Variants in HS3ST3A1 observed in about 807,000 individuals in gnomAD.
HS3ST3A1 encodes heparan sulfate-glucosamine 3-sulfotransferase 3A1, also known as heparan sulfate glucosamine 3-O-sulfotransferase 3A1.
A neutral mutation model predicts 25.7 loss-of-function variants in HS3ST3A1; 19 were observed. The ratio of observed to expected loss-of-function variants is 0.74; its 90% CI spans 0.52 to 1.08. The LOEUF (loss-of-function observed/expected upper bound fraction) is 1.08, where lower values mean the gene tolerates loss of function less well. Ranked by LOEUF, HS3ST3A1 falls within the 50% of genes least tolerant of loss-of-function variation. The pLI, the probability that HS3ST3A1 is intolerant of heterozygous loss-of-function variation, is 0.00. For missense variants in HS3ST3A1, 459 were observed against 594.3 expected, an observed-to-expected ratio of 0.77 and a Z score of 2.37; for synonymous variants, 226 against 278.6, an observed-to-expected ratio of 0.81 and a Z score of 1.88.
chr17:13,526,474 T>TATA (rs1906425775), intron 1 of HS3ST3A1, among the ~76,000 whole-genome samples: 2,711 of 76,172 alleles, frequency 0.036, 262 homozygotes, highest in Middle Eastern at 0.078. Context: ...ACTTTAATTT[T>TATA]TATATATATA....
chr17:13,512,430 T>C (rs902678862), intron 1 of HS3ST3A1, among the ~76,000 whole-genome samples: 1 of 149,336 alleles, frequency 6.7e-6, no homozygotes, highest in Non-Finnish European at 1.5e-5. Flanking sequence ...GGAATAGGAG[T>C]GAGTGCTTAA....
chr17:13,597,586 C>G (rs1187946913), intron 1 of HS3ST3A1, among the ~76,000 whole-genome samples: 1 of 151,870 alleles, frequency 6.6e-6, no homozygotes, highest in Non-Finnish European at 1.5e-5. Context: ...TTTTTAAACT[C>G]CACCAGGGTC....
intron 1 of HS3ST3A1, among the ~76,000 whole-genome samples, chr17:13,591,045 T>C (rs150716731): frequency 2.6e-4 from 38 of 145,668 alleles, no homozygotes; most frequent in African/African-American, 1.0e-3. Flanking sequence ...TTCTTTTTCT[T>C]TTCTTTTTTT....
intron 1 of HS3ST3A1, among the ~76,000 whole-genome samples, chr17:13,507,782 C>T (rs934184443): frequency 3.3e-5 from 5 of 152,150 alleles, no homozygotes; most frequent in Non-Finnish European, 7.4e-5. Context: ...GGCAGCAGAA[C>T]ATGCTAGAAA....
At chr17:13,509,655 AAAGAG>A (rs1905800176) in intron 1 of HS3ST3A1, among the ~76,000 whole-genome samples, 1 of 152,146 alleles carries the variant, frequency 6.6e-6, no homozygotes, top group Non-Finnish European at 1.5e-5. Flanking sequence ...TAGAAGAAAA[AAAGAG>A]AAGAATCTAG....
intron 1 of HS3ST3A1, chr17:13,543,750 G>A (rs1907004260): frequency 1.3e-5 from 2 of 153,732 alleles, no homozygotes; most frequent in African/African-American, 4.8e-5. Context: ...AACTGTTAAA[G>A]CTTTTCAAAA....
intron 1 of HS3ST3A1, among the ~76,000 whole-genome samples, chr17:13,542,318 G>A (rs1474974994): frequency 2.5e-5 from 3 of 117,814 alleles, no homozygotes; most frequent in African/African-American, 6.9e-5. Flanking sequence ...AACAGAGCGA[G>A]ACTCTGTTTC....
In HS3ST3A1 at chr17:13,593,233, C is replaced by CAAAAAAAAAAA. The variant is rs5819419; in HGVS notation, c.599+7287_599+7297dup. ...CACCTGTTCCTTCTATGTTTGTAGC[C>CAAAAAAAAAAA]AAAAAAAAAAAAAAAAAAAAGTCAT... On this transcript the variant is annotated intron_variant, in intron 1 of 1. Transcript: ENST00000284110. 8.4e-3 allele frequency among the ~76,000 whole-genome samples: 870 copies of CAAAAAAAAAAA among 103,016 alleles called. 24 individuals are homozygous for CAAAAAAAAAAA. The highest frequency in any genetic ancestry group is 0.025 in the African/African-American group (691 of 28,032). The allele number at this position is 103,016 out of a possible 152,430, so 67.6% of individuals were successfully genotyped here.
chr17:13,571,615 G>A (rs1239631512), intron 1 of HS3ST3A1, among the ~76,000 whole-genome samples: 1 of 152,220 alleles, frequency 6.6e-6, no homozygotes, highest in South Asian at 2.1e-4. Flanking sequence ...ATTAGTGCTG[G>A]AGAGAGGATA....
At chr17:13,510,444 A>G (rs551953006) in intron 1 of HS3ST3A1, among the ~76,000 whole-genome samples, 1 of 152,318 alleles carries the variant, frequency 6.6e-6, no homozygotes, top group South Asian at 2.1e-4. Flanking sequence ...AAAATTTTAG[A>G]AAGGTTCTTC....
At chr17:13,549,196 G>A (rs1484981214) in intron 1 of HS3ST3A1, among the ~76,000 whole-genome samples, 1 of 152,106 alleles carries the variant, frequency 6.6e-6, no homozygotes, top group Non-Finnish European at 1.5e-5. Context: ...CGGACACGCT[G>A]GCTTTAAGAG....
At chr17:13,516,237 G>C (rs972189079) in intron 1 of HS3ST3A1, among the ~76,000 whole-genome samples, 8 of 152,140 alleles carry the variant, frequency 5.3e-5, no homozygotes, top group African/African-American at 1.9e-4. Flanking sequence ...TTGAACCCAG[G>C]AGGCAGAGGT....
chr17:13,511,584 T>G (rs1481086374), intron 1 of HS3ST3A1, among the ~76,000 whole-genome samples: 1 of 151,676 alleles, frequency 6.6e-6, no homozygotes, highest in Non-Finnish European at 1.5e-5. Context: ...AATCACAACA[T>G]TCGCACGTGG....
At chr17:13,510,328 T>C (rs1423999562) in intron 1 of HS3ST3A1, among the ~76,000 whole-genome samples, 1 of 152,224 alleles carries the variant, frequency 6.6e-6, no homozygotes, top group Admixed American at 6.5e-5. Flanking sequence ...AGTCTTTGCA[T>C]ATGTGCAGCT....
rs542061070 is a variant in HS3ST3A1, at chr17:13,494,467, A to C, written c.*1730T>G. Among the ~76,000 whole-genome samples the C allele has an allele frequency of 2.6e-5, 4 of 152,350 alleles. No individual in the cohort carries two copies. In the East Asian group the frequency reaches 7.7e-4, roughly 29 times the overall value. ...AAATATTTACATCACCTAATGCAGC[A>C]GCTATGGTAAATGTACAATTGTACT... On this transcript the variant is annotated 3_prime_UTR_variant, in exon 2 of 2. Coordinates refer to ENST00000284110, the MANE Select transcript of HS3ST3A1 (RefSeq NM_006042.3).
intron 1 of HS3ST3A1, among the ~76,000 whole-genome samples, chr17:13,548,415 G>A (rs769335312): frequency 3.9e-5 from 6 of 152,186 alleles, no homozygotes; most frequent in Non-Finnish European, 8.8e-5. Context: ...TACTGAAAGT[G>A]CTATCTATAC....
At chr17:13,532,129 T>C (rs1906623121) in intron 1 of HS3ST3A1, among the ~76,000 whole-genome samples, 1 of 152,130 alleles carries the variant, frequency 6.6e-6, no homozygotes. Flanking sequence ...CAGCGTACTT[T>C]AAGGGGAGAA....
chr17:13,499,630 G>A (rs976993509), intron 1 of HS3ST3A1, among the ~76,000 whole-genome samples: 4 of 152,106 alleles, frequency 2.6e-5, no homozygotes, highest in Admixed American at 2.6e-4. Context: ...GTGGGGAAGA[G>A]CTGTAGGAGA....
intron 1 of HS3ST3A1, among the ~76,000 whole-genome samples, chr17:13,512,332 A>G (rs909234735): frequency 2.0e-5 from 3 of 149,352 alleles, no homozygotes; most frequent in African/African-American, 5.0e-5. Context: ...AAAAAACTGC[A>G]TGATCCCATT....
Sources: gnomAD v4.1 joint callset for allele counts (sites outside exome capture counted in the v4.1 genomes callset) on GRCh38, gnomAD v4.1.1 for gene constraint, MANE v1.5 for transcripts, NCBI Gene and HGNC (gene_info 2026-07-23, HGNC 2026-07-21) for gene names.